Variants in DTNA observed in about 807,000 individuals in gnomAD.
The protein encoded by DTNA is dystrophin-related protein 3.
In DTNA, 43 loss-of-function variants were observed where a neutral mutation model predicts 100.7. The observed-to-expected ratio is 0.43, with a 90% CI of 0.33 to 0.55. DTNA has a LOEUF of 0.55. Among genes scored for constraint, DTNA ranks in the 20% least tolerant of loss-of-function variants. The probability of loss-of-function intolerance (pLI) is 0.04; values close to 1 mark genes in which losing one functional copy is unlikely to be tolerated. For missense variants in DTNA, 798 were observed against 953.9 expected (o/e 0.84, Z 2.15); for synonymous variants, 349 against 347.9 (o/e 1.00, Z -0.04).
At chr18:34,501,470 C>T (rs1345614100) in intron 1 of DTNA, among the ~76,000 whole-genome samples, 1 of 152,110 alleles carries the variant, frequency 6.6e-6, no homozygotes, top group African/African-American at 2.4e-5. Flanking sequence ...ATAATACTAG[C>T]TTTATAAAAT....
intron 18 of DTNA, among the ~76,000 whole-genome samples, chr18:34,876,219 G>A (rs1249035926): frequency 6.6e-6 from 1 of 151,836 alleles, no homozygotes; most frequent in Non-Finnish European, 1.5e-5. Context: ...TGCATTTTGG[G>A]GTCTGCAATT....
At chr18:34,811,618 A>G (rs2095488521) in intron 5 of DTNA, among the ~76,000 whole-genome samples, 1 of 152,220 alleles carries the variant, frequency 6.6e-6, no homozygotes, top group African/African-American at 2.4e-5. Flanking sequence ...TCTCTCTCAT[A>G]TATACAAAAA....
At chr18:34,585,078 C>T (rs1437040295) in intron 1 of DTNA, among the ~76,000 whole-genome samples, 1 of 151,814 alleles carries the variant, frequency 6.6e-6, no homozygotes, top group Non-Finnish European at 1.5e-5. Context: ...ATGAGTTTGT[C>T]CCAAACATCT....
chr18:34,634,266 A>C (rs2058415385), intron 1 of DTNA, among the ~76,000 whole-genome samples: 1 of 152,192 alleles, frequency 6.6e-6, no homozygotes, highest in Non-Finnish European at 1.5e-5. Context: ...TCAAGCTTGT[A>C]AAAATTATTC....
At chr18:34,817,873 A>G in intron 7 of DTNA, 3 of 1,121,850 alleles carry the variant, frequency 2.7e-6, no homozygotes, top group Non-Finnish European at 3.5e-6. Context: ...GCTAATTTAA[A>G]TTCTTGTAAT....
chr18:34,525,253 C>T (rs1263180123), intron 1 of DTNA, among the ~76,000 whole-genome samples: 1 of 152,012 alleles, frequency 6.6e-6, no homozygotes, highest in Non-Finnish European at 1.5e-5. Context: ...TCAGGGAGAT[C>T]CATAGTAATT....
At chr18:34,751,589 A>C (rs1021254052) in intron 1 of DTNA, among the ~76,000 whole-genome samples, 3 of 152,100 alleles carry the variant, frequency 2.0e-5, no homozygotes, top group African/African-American at 7.2e-5. Context: ...AATGCACCTT[A>C]CCTATTTTAA....
At chr18:34,715,158 G>A (rs975146853) in intron 1 of DTNA, among the ~76,000 whole-genome samples, 107 of 151,872 alleles carry the variant, frequency 7.0e-4, no homozygotes, top group African/African-American at 2.5e-3. Context: ...GTATACATAT[G>A]TAACTAACCT....
intron 1 of DTNA, among the ~76,000 whole-genome samples, chr18:34,537,068 C>T (rs1228020544): frequency 2.0e-5 from 3 of 151,952 alleles, no homozygotes; most frequent in African/African-American, 7.2e-5. Context: ...AAACTGTGTT[C>T]TGTGAAGTAT....
intron 1 of DTNA, among the ~76,000 whole-genome samples, chr18:34,539,995 C>T (rs2044092407): frequency 6.6e-6 from 1 of 151,762 alleles, no homozygotes; most frequent in Non-Finnish European, 1.5e-5. Context: ...AGTAATTAAA[C>T]ACAATACTAA....
At chr18:34,793,771 G>A (rs1471258034) in intron 3 of DTNA, among the ~76,000 whole-genome samples, 3 of 152,118 alleles carry the variant, frequency 2.0e-5, no homozygotes, top group African/African-American at 4.8e-5. Context: ...GTAACACAGG[G>A]ATAATAGCTG....
At chr18:34,538,061 T>G (rs2043892259) in intron 1 of DTNA, among the ~76,000 whole-genome samples, 1 of 152,080 alleles carries the variant, frequency 6.6e-6, no homozygotes, top group South Asian at 2.1e-4. Flanking sequence ...TCAAATGATC[T>G]GAATTTCTCA....
At chr18:34,666,975 T>C (rs1014709227) in intron 1 of DTNA, among the ~76,000 whole-genome samples, 1 of 152,224 alleles carries the variant, frequency 6.6e-6, no homozygotes, top group African/African-American at 2.4e-5. Context: ...CATTGGTAGC[T>C]TGATGGGGAT....
chr18:34,700,359 T>A (rs1388215765), intron 1 of DTNA, among the ~76,000 whole-genome samples: 1 of 152,132 alleles, frequency 6.6e-6, no homozygotes, highest in Non-Finnish European at 1.5e-5. Flanking sequence ...AAATACCACA[T>A]GCTCCACTTC....
At chr18:34,758,030 T>C (rs2092898263) in intron 2 of DTNA, among the ~76,000 whole-genome samples, 1 of 152,150 alleles carries the variant, frequency 6.6e-6, no homozygotes, top group South Asian at 2.1e-4. Flanking sequence ...GATAAAACAA[T>C]TGGCTGGTTT....
intron 14 of DTNA, among the ~76,000 whole-genome samples, chr18:34,851,357 C>T (rs2149930680): frequency 6.6e-6 from 1 of 152,328 alleles, no homozygotes; most frequent in South Asian, 2.1e-4. Context: ...CCGCCTCAGC[C>T]TCCCAAAGTG....
intron 3 of DTNA, among the ~76,000 whole-genome samples, chr18:34,772,842 G>T (rs1362363023): frequency 6.6e-6 from 1 of 152,222 alleles, no homozygotes; most frequent in Non-Finnish European, 1.5e-5. Context: ...TAAAATCAAA[G>T]TGCTGGTTGG....
intron 17 of DTNA, chr18:34,867,229 T>A: frequency 8.1e-7 from 1 of 1,231,480 alleles, no homozygotes; most frequent in Non-Finnish European, 1.0e-6. Context: ...TAACAAAGAA[T>A]GTTTGGAAAA....
At chr18:34,759,169 A>C (rs1303340310) in intron 2 of DTNA, among the ~76,000 whole-genome samples, 3 of 152,192 alleles carry the variant, frequency 2.0e-5, no homozygotes. Context: ...GAAAAAAACA[A>C]AAAAACAAAA....
Sources: allele counts gnomAD v4.1 joint callset (sites outside exome capture counted in the v4.1 genomes callset), GRCh38; gene constraint gnomAD v4.1.1; transcripts MANE v1.5; gene names NCBI Gene and HGNC (gene_info 2026-07-23, HGNC 2026-07-21).